The following GRM7 variants were observed in gnomAD, a reference collection of about 807,000 sequenced individuals.
GRM7 encodes the protein glutamate metabotropic receptor 7.
Under a neutral mutation model 84.5 loss-of-function variants are expected in GRM7, and 35 were observed. The observed-to-expected ratio is 0.41, with a 90% CI of 0.32 to 0.55. The LOEUF (loss-of-function observed/expected upper bound fraction) is 0.55, where lower values mean the gene tolerates loss of function less well. GRM7 is among the 20% of genes least tolerant of loss of function. The pLI, the probability that GRM7 is intolerant of heterozygous loss-of-function variation, is 0.19. For synonymous variants in GRM7, 487 were observed against 455.1 expected, an observed-to-expected ratio of 1.07 and a Z score of -0.89; for missense variants, 1,003 against 1,194.6, an observed-to-expected ratio of 0.84 and a Z score of 2.36.
chr3:7,436,006 C>T (rs1697041918), intron 5 of GRM7, among the ~76,000 whole-genome samples: 1 of 151,620 alleles, frequency 6.6e-6, no homozygotes, highest in African/African-American at 2.4e-5. Context: ...CCAGCCATGC[C>T]CGACTAATTT....
intron 8 of GRM7, among the ~76,000 whole-genome samples, chr3:7,618,110 C>A (rs186934842): frequency 6.6e-6 from 1 of 152,036 alleles, no homozygotes; most frequent in South Asian, 2.1e-4. Context: ...CAAACAAGTG[C>A]GTAATAACTG....
At chr3:7,298,004 A>G (rs1220734412) in intron 2 of GRM7, among the ~76,000 whole-genome samples, 1 of 152,242 alleles carries the variant, frequency 6.6e-6, no homozygotes, top group African/African-American at 2.4e-5. Flanking sequence ...TGGAGTTAAC[A>G]TATCTCTATT....
chr3:7,293,562 C>G (rs1216063076), intron 2 of GRM7, among the ~76,000 whole-genome samples: 3 of 152,168 alleles, frequency 2.0e-5, no homozygotes, highest in African/African-American at 7.2e-5. Context: ...CTTGTTCGCT[C>G]CCCACAGAAG....
intron 5 of GRM7, among the ~76,000 whole-genome samples, chr3:7,435,406 G>A (rs1051284333): frequency 4.0e-5 from 6 of 151,880 alleles, no homozygotes; most frequent in South Asian, 2.1e-4. Flanking sequence ...TCCACCCACC[G>A]TGGCCTCCCA....
At chr3:7,007,994 T>C (rs1175200394) in intron 1 of GRM7, among the ~76,000 whole-genome samples, 1 of 152,172 alleles carries the variant, frequency 6.6e-6, no homozygotes, top group Non-Finnish European at 1.5e-5. Flanking sequence ...CATATTGAAA[T>C]TAAGGTAAAT....
At chr3:7,427,282 C>G (rs554431884) in intron 5 of GRM7, among the ~76,000 whole-genome samples, 80 of 152,306 alleles carry the variant, frequency 5.3e-4, no homozygotes, top group Middle Eastern at 3.4e-3. Context: ...GTATTGGTCT[C>G]TCAGCTTTGA....
At chr3:7,406,506 A>C (rs1695685783) in intron 4 of GRM7, among the ~76,000 whole-genome samples, 1 of 152,160 alleles carries the variant, frequency 6.6e-6, no homozygotes, top group African/African-American at 2.4e-5. Flanking sequence ...TCTCAAAAAA[A>C]AATCATAAAA....
intron 7 of GRM7, among the ~76,000 whole-genome samples, chr3:7,475,671 GACTA>G (rs1209139787): frequency 6.6e-6 from 1 of 152,170 alleles, no homozygotes; most frequent in African/African-American, 2.4e-5. Context: ...TTGAGCAGAA[GACTA>G]ACTGATTTGC....
intron 8 of GRM7, among the ~76,000 whole-genome samples, chr3:7,645,266 T>G (rs980995323): frequency 6.6e-6 from 1 of 151,964 alleles, no homozygotes; most frequent in African/African-American, 2.4e-5. Flanking sequence ...TACTGTCAGT[T>G]GGCTGGGCAC....
chr3:7,598,920 T>C (rs56102198), intron 8 of GRM7, among the ~76,000 whole-genome samples: 2,266 of 152,324 alleles, frequency 0.015, 35 homozygotes, highest in Middle Eastern at 0.041. Flanking sequence ...AAAGATATCT[T>C]GATATCTATA....
At chr3:6,884,535 T>G (rs1003318121) in intron 1 of GRM7, among the ~76,000 whole-genome samples, 2 of 152,206 alleles carry the variant, frequency 1.3e-5, no homozygotes, top group Non-Finnish European at 2.9e-5. Context: ...CTTTATTTTC[T>G]CTTGTAACCT....
At chr3:6,952,909 C>G (rs943041018) in intron 1 of GRM7, among the ~76,000 whole-genome samples, 14 of 152,138 alleles carry the variant, frequency 9.2e-5, no homozygotes, top group African/African-American at 3.1e-4. Context: ...GTGGATTTTT[C>G]TAATGTAGTC....
At chr3:7,665,494 G>A (rs555576384) in intron 8 of GRM7, among the ~76,000 whole-genome samples, 26 of 152,186 alleles carry the variant, frequency 1.7e-4, no homozygotes, top group African/African-American at 6.0e-4. Context: ...ATTCTTAATA[G>A]GAAATATGAA....
chr3:7,348,730 G>A (rs1047965689), intron 4 of GRM7, among the ~76,000 whole-genome samples: 2 of 152,058 alleles, frequency 1.3e-5, no homozygotes, highest in Non-Finnish European at 2.9e-5. Flanking sequence ...AAATTATGAG[G>A]CTACATCTCA....
intron 1 of GRM7, among the ~76,000 whole-genome samples, chr3:7,018,834 C>T (rs528619094): frequency 1.1e-4 from 16 of 152,308 alleles, no homozygotes; most frequent in Non-Finnish European, 1.9e-4. Context: ...CCGTGGCTCA[C>T]GCCTGTAATC....
At chr3:6,911,517 G>T (rs1029182485) in intron 1 of GRM7, among the ~76,000 whole-genome samples, 1 of 152,018 alleles carries the variant, frequency 6.6e-6, no homozygotes, top group African/African-American at 2.4e-5. Context: ...ACATATGCAT[G>T]TTTCAGAAGT....
intron 1 of GRM7, among the ~76,000 whole-genome samples, chr3:7,115,743 A>C (rs543448044): frequency 6.6e-6 from 1 of 152,252 alleles, no homozygotes; most frequent in African/African-American, 2.4e-5. Flanking sequence ...AGGGAAGGCG[A>C]CACATTATTC....
At chr3:6,941,934 G>A (rs74587944) in intron 1 of GRM7, among the ~76,000 whole-genome samples, 3,011 of 152,098 alleles carry the variant, frequency 0.02, 114 homozygotes, top group African/African-American at 0.069. Flanking sequence ...CGTTTTAGTC[G>A]TATGAACAGA....
chr3:6,925,592 A>G (rs1161264937), intron 1 of GRM7, among the ~76,000 whole-genome samples: 3 of 152,318 alleles, frequency 2.0e-5, no homozygotes, highest in South Asian at 4.1e-4. Flanking sequence ...CATCTCTTCT[A>G]TCATCTCATA....
Sources: allele counts gnomAD v4.1 joint callset (sites outside exome capture counted in the v4.1 genomes callset), GRCh38; gene constraint gnomAD v4.1.1; transcripts MANE v1.5; gene names NCBI Gene and HGNC (gene_info 2026-07-23, HGNC 2026-07-21).